CNTLN: variants seen among roughly 807,000 people sequenced by gnomAD.
The protein encoded by CNTLN is centlein, centrosomal protein.
A neutral mutation model predicts 180.0 loss-of-function variants in CNTLN; 212 were observed. The ratio of observed to expected loss-of-function variants is 1.18; its 90% confidence interval spans 1.05 to 1.32. The LOEUF is 1.32. CNTLN is among the 40% of genes most tolerant of loss of function. The pLI, the probability that CNTLN is intolerant of heterozygous loss-of-function variation, is 0.00. For missense variants in CNTLN, 2,095 were observed against 1,610.9 expected, an observed-to-expected ratio of 1.30 and a Z score of -5.14; for synonymous variants, 722 against 563.1, an observed-to-expected ratio of 1.28 and a Z score of -3.99.
At chr9:17,172,420 T>C (rs1211003016) in intron 2 of CNTLN, among the ~76,000 whole-genome samples, 1 of 152,152 alleles carries the variant, frequency 6.6e-6, no homozygotes, top group Non-Finnish European at 1.5e-5. Context: ...ACCCCATCCA[T>C]CCTTTCTGTG....
intron 8 of CNTLN, among the ~76,000 whole-genome samples, chr9:17,326,689 T>G (rs956605377): frequency 6.6e-5 from 10 of 152,242 alleles, no homozygotes; most frequent in African/African-American, 2.2e-4. Flanking sequence ...CAGTCATAAA[T>G]CATGTTGATA....
chr9:17,350,845 C>T (rs10124487), intron 12 of CNTLN, among the ~76,000 whole-genome samples: 77,380 of 151,930 alleles, frequency 0.51, 20,795 homozygotes, highest in Non-Finnish European at 0.6. Context: ...GTTAGAGTTT[C>T]AGCTGAGTTC....
At chr9:17,298,879 A>G (rs888431768) in intron 7 of CNTLN, 14 of 985,472 alleles carry the variant, frequency 1.4e-5, no homozygotes, top group South Asian at 4.7e-5. Flanking sequence ...GAGCCTTTCA[A>G]GAAGGTTTAC....
intron 15 of CNTLN, among the ~76,000 whole-genome samples, chr9:17,407,544 AC>A (rs1288416544): frequency 6.6e-6 from 1 of 152,232 alleles, no homozygotes; most frequent in Non-Finnish European, 1.5e-5. Context: ...ACAAATGCCT[AC>A]AGGGTAGTTT....
intron 2 of CNTLN, among the ~76,000 whole-genome samples, chr9:17,157,463 A>G (rs1233260162): frequency 6.6e-6 from 1 of 152,188 alleles, no homozygotes; most frequent in African/African-American, 2.4e-5. Context: ...AAAGAAGAGA[A>G]AAGAGCATTT....
At chr9:17,430,157 T>A (rs1255655232) in intron 18 of CNTLN, among the ~76,000 whole-genome samples, 7 of 151,974 alleles carry the variant, frequency 4.6e-5, no homozygotes, top group Non-Finnish European at 8.8e-5. Context: ...ATGTAACTAA[T>A]ATAAAATAAA....
intron 18 of CNTLN, among the ~76,000 whole-genome samples, chr9:17,421,958 G>A (rs558512593): frequency 1.3e-5 from 2 of 152,044 alleles, no homozygotes; most frequent in African/African-American, 2.4e-5. Context: ...TTCTGTATTT[G>A]TGTATGTACA....
At chr9:17,452,733 G>A (rs1435127899) in intron 18 of CNTLN, among the ~76,000 whole-genome samples, 1 of 152,124 alleles carries the variant, frequency 6.6e-6, no homozygotes, top group Non-Finnish European at 1.5e-5. Flanking sequence ...TCTAGGTACT[G>A]CATATCTAAA....
At chr9:17,345,616 A>C (rs1227178386) in intron 12 of CNTLN, among the ~76,000 whole-genome samples, 1 of 151,172 alleles carries the variant, frequency 6.6e-6, no homozygotes, top group East Asian at 1.9e-4. Flanking sequence ...ACATTTTATT[A>C]CTTTAAGTGG....
At chr9:17,397,552 C>A (rs1027659719) in intron 15 of CNTLN, among the ~76,000 whole-genome samples, 1 of 152,114 alleles carries the variant, frequency 6.6e-6, no homozygotes, top group African/African-American at 2.4e-5. Context: ...TGGGTTTTCA[C>A]CGGCTTCTTT....
chr9:17,301,998 G>A (rs1379602598), intron 7 of CNTLN: 1 of 979,110 alleles, frequency 1.0e-6, no homozygotes. Context: ...TATGTTATTT[G>A]TTTTACTATT....
intron 2 of CNTLN, among the ~76,000 whole-genome samples, chr9:17,200,526 T>C (rs575284047): frequency 4.4e-4 from 67 of 152,316 alleles, no homozygotes; most frequent in Non-Finnish European, 9.1e-4. Context: ...CAGTGGTTTG[T>C]AGTTGTCCTT....
At chr9:17,276,821 AGTT>A (rs1009285035) in intron 6 of CNTLN, among the ~76,000 whole-genome samples, 4 of 152,078 alleles carry the variant, frequency 2.6e-5, no homozygotes, top group African/African-American at 9.7e-5. Context: ...CTATATAAAT[AGTT>A]GTTATACTGT....
At chr9:17,205,901 T>A (rs977871251) in intron 2 of CNTLN, among the ~76,000 whole-genome samples, 1 of 152,164 alleles carries the variant, frequency 6.6e-6, no homozygotes, top group Non-Finnish European at 1.5e-5. Context: ...ACTGCAAACT[T>A]AAATGCAGAT....
Position 17,211,571 on chromosome 9 carries a change from G to GT in CNTLN, c.450-14626dup, listed in dbSNP as rs558815385. Among the ~76,000 whole-genome samples, 445 of 152,208 alleles carry GT rather than the reference G, an allele frequency of 2.9e-3. 2 individuals carry two copies. The highest frequency in any genetic ancestry group is 0.01 in the Middle Eastern group (3 of 294). ...TTGGTTCCATGTGAACTTTAAAGTA[G>GT]TTTTTTCCAATTCTGTGAAGAAAGT... On this transcript the variant is annotated intron_variant, in intron 2 of 25. Transcript: ENST00000380647.
the CNTLN span, among the ~76,000 whole-genome samples, chr9:17,513,048 T>G: frequency 2.6e-5 from 4 of 152,188 alleles, no homozygotes; most frequent in African/African-American, 7.2e-5. Context: ...CTCAAACTCC[T>G]GACCTCGTGA....
intron 5 of CNTLN, among the ~76,000 whole-genome samples, chr9:17,240,312 C>A (rs1825406228): frequency 6.6e-6 from 1 of 152,078 alleles, no homozygotes; most frequent in South Asian, 2.1e-4. Context: ...TTGTATCCTG[C>A]AACCTTTCTG....
intron 7 of CNTLN, among the ~76,000 whole-genome samples, chr9:17,306,135 A>G (rs991318327): frequency 2.7e-5 from 4 of 147,080 alleles, no homozygotes; most frequent in African/African-American, 1.0e-4. Context: ...GAAGGGTGCT[A>G]TTAGTCGTCT....
chr9:17,232,489 A>T (rs77488794), intron 3 of CNTLN, among the ~76,000 whole-genome samples: 30,464 of 151,676 alleles, frequency 0.2, 3,733 homozygotes, highest in African/African-American at 0.34. Flanking sequence ...GTGCCTGTTT[A>T]GTTTACTTTA....
Sources: allele counts gnomAD v4.1 joint callset (sites outside exome capture counted in the v4.1 genomes callset), GRCh38; gene constraint gnomAD v4.1.1; transcripts MANE v1.5; gene names NCBI Gene and HGNC (gene_info 2026-07-23, HGNC 2026-07-21).